Variants in CCDC171 observed in about 807,000 individuals in gnomAD.
CCDC171 encodes the protein coiled-coil domain-containing protein 171.
CCDC171 carries 177 observed loss-of-function variants against 168.2 expected under a neutral mutation model. That is an observed-to-expected ratio of 1.05 (90% CI 0.93 to 1.19). CCDC171 has a LOEUF of 1.19. CCDC171 is among the 50% of genes most tolerant of loss of function. CCDC171 has a pLI of 0.00. For missense variants in CCDC171, 1,991 were observed against 1,539.0 expected, an observed-to-expected ratio of 1.29 and a Z score of -4.91; for synonymous variants, 687 against 540.8, an observed-to-expected ratio of 1.27 and a Z score of -3.75.
chr9:15,631,344 C>G (rs2045675648), intron 7 of CCDC171, among the ~76,000 whole-genome samples: 1 of 152,002 alleles, frequency 6.6e-6, no homozygotes, highest in Admixed American at 6.6e-5. Flanking sequence ...GGGGATATCA[C>G]CACCGATCCC....
intron 7 of CCDC171, among the ~76,000 whole-genome samples, chr9:15,648,335 C>T (rs372889708): frequency 6.6e-6 from 1 of 152,268 alleles, no homozygotes; most frequent in East Asian, 1.9e-4. Flanking sequence ...TGAAAACTGG[C>T]ACAATCCAGG....
chr9:15,587,649 A>G (rs1009053872), intron 4 of CCDC171: 2 of 456,740 alleles, frequency 4.4e-6, no homozygotes, highest in Non-Finnish European at 8.8e-6. Flanking sequence ...TCTCCAGCGA[A>G]GACTAAAGTT....
At chr9:16,045,687 G>C (rs1237891378) in intron 1 of CCDC171, among the ~76,000 whole-genome samples, 1 of 152,168 alleles carries the variant, frequency 6.6e-6, no homozygotes, top group East Asian at 1.9e-4. Context: ...GCAGCACTTG[G>C]GGAGGCTGAG....
rs1388086152 is a variant in CCDC171, at chr9:15,818,828, A to G, written c.3268-27874A>G. On this transcript the variant is annotated intron_variant, in intron 21 of 25. Coordinates refer to ENST00000380701, the MANE Select transcript of CCDC171 (RefSeq NM_173550.4). ...GCAAGGCAGGCCAACATTCAAATTC[A>G]GGAAATACAGAGAACGCCACAAAAA... Among the ~76,000 whole-genome samples the G allele has an allele frequency of 3.4e-5, 4 of 117,046 alleles. 2 individuals carry two copies. The highest frequency in any genetic ancestry group is 1.3e-4 in the African/African-American group (4 of 31,022). The allele number at this position is 117,046 out of a possible 152,430, so 76.8% of individuals were successfully genotyped here. A position where few individuals can be genotyped will look rare whatever the true frequency, so the allele number is the denominator to read the frequency against.
chr9:15,966,157 A>G (rs1056717778), intron 25 of CCDC171, among the ~76,000 whole-genome samples: 1 of 152,226 alleles, frequency 6.6e-6, no homozygotes, highest in Non-Finnish European at 1.5e-5. Flanking sequence ...ATAAATGCTC[A>G]TGAAGGAATG....
intron 8 of CCDC171, among the ~76,000 whole-genome samples, chr9:15,664,201 C>G (rs2048544070): frequency 6.6e-6 from 1 of 152,100 alleles, no homozygotes; most frequent in African/African-American, 2.4e-5. Context: ...AAAATCCAGA[C>G]TTCACCACTA....
chr9:15,992,271 A>G (rs189006645), intron 3 of CCDC171, among the ~76,000 whole-genome samples: 9 of 152,308 alleles, frequency 5.9e-5, no homozygotes, highest in African/African-American at 2.2e-4. Flanking sequence ...CAAGGCTTGT[A>G]AACATACACA....
At chr9:15,561,598 T>A (rs1293737293) in intron 1 of CCDC171, among the ~76,000 whole-genome samples, 1 of 152,140 alleles carries the variant, frequency 6.6e-6, no homozygotes, top group East Asian at 1.9e-4. Context: ...AACTTGACTG[T>A]CCTCATCATT....
intron 7 of CCDC171, among the ~76,000 whole-genome samples, chr9:15,641,974 G>A (rs2046643516): frequency 2.6e-5 from 4 of 152,064 alleles, no homozygotes; most frequent in Admixed American, 1.3e-4. Flanking sequence ...GATCAGCCTG[G>A]CCAACATGGT....
chr9:15,793,982 T>TG (rs2058418922), intron 21 of CCDC171, among the ~76,000 whole-genome samples: 1 of 152,088 alleles, frequency 6.6e-6, no homozygotes, highest in African/African-American at 2.4e-5. Context: ...TAGGTTTTTT[T>TG]TTCTCCTGCT....
intron 6 of CCDC171, among the ~76,000 whole-genome samples, chr9:15,602,820 G>A (rs1319769505): frequency 2.6e-5 from 4 of 151,640 alleles, no homozygotes; most frequent in Admixed American, 6.6e-5. Context: ...ACCATGCCCA[G>A]CTAATTTTTG....
intron 8 of CCDC171, among the ~76,000 whole-genome samples, chr9:15,665,323 T>A (rs544473336): frequency 6.6e-6 from 1 of 152,250 alleles, no homozygotes; most frequent in East Asian, 1.9e-4. Context: ...CAAATAACGA[T>A]AACCATAAAT....
At chr9:15,598,588 A>G (rs1402335904) in intron 6 of CCDC171, among the ~76,000 whole-genome samples, 1 of 152,130 alleles carries the variant, frequency 6.6e-6, no homozygotes, top group Non-Finnish European at 1.5e-5. Flanking sequence ...CAATTTTGGA[A>G]TAGGTGTGGT....
At chr9:15,627,411 G>C (rs1475317663) in intron 7 of CCDC171, among the ~76,000 whole-genome samples, 3 of 151,954 alleles carry the variant, frequency 2.0e-5, no homozygotes, top group Non-Finnish European at 4.4e-5. Context: ...TGTGATGTTA[G>C]GGTGTCAATT....
chr9:15,784,909 G>A (rs919672803), intron 21 of CCDC171, among the ~76,000 whole-genome samples: 4 of 152,028 alleles, frequency 2.6e-5, no homozygotes, highest in Non-Finnish European at 4.4e-5. Flanking sequence ...GGTTGAAAAC[G>A]AAGTGAAGGT....
chr9:15,903,235 C>T (rs888642829), intron 24 of CCDC171, among the ~76,000 whole-genome samples: 15 of 152,200 alleles, frequency 9.9e-5, no homozygotes, highest in Middle Eastern at 3.2e-3. Context: ...ACTGCCTCCT[C>T]AAGTGGGTCC....
chr9:16,033,441 A>C (rs1586847777), intron 6 of CCDC171, among the ~76,000 whole-genome samples: 1 of 152,204 alleles, frequency 6.6e-6, no homozygotes, highest in African/African-American at 2.4e-5. Context: ...GCCCTGTTGT[A>C]AACCGCGCAT....
chr9:15,600,244 G>GT lies in CCDC171; in HGVS notation c.675+6078dup, dbSNP rs1234864953. On this transcript the variant is annotated intron_variant, in intron 6 of 25. Transcript: ENST00000380701. ...TTTAGAGTTTCCATTTTTCTGCTCT[G>GT]TTTTTTCCCCATCTTTGTGGTTTTA... Among the ~76,000 whole-genome samples the GT allele has an allele frequency of 9.9e-5, 15 of 152,262 alleles. No individual in the cohort carries two copies. In the East Asian group the frequency reaches 2.9e-3, roughly 29 times the overall value.
chr9:15,820,775 C>T (rs1446128704), intron 21 of CCDC171, among the ~76,000 whole-genome samples: 1 of 117,426 alleles, frequency 8.5e-6, no homozygotes, highest in Non-Finnish European at 1.9e-5. Flanking sequence ...GAGCTGGTAC[C>T]ATTCCTTCTG....
Sources: gnomAD v4.1 joint callset for allele counts (sites outside exome capture counted in the v4.1 genomes callset) on GRCh38, gnomAD v4.1.1 for gene constraint, MANE v1.5 for transcripts, NCBI Gene and HGNC (gene_info 2026-07-23, HGNC 2026-07-21) for gene names.